Variants in GGA2 observed in about 807,000 individuals in gnomAD.
GGA2 encodes the protein ADP-ribosylation factor-binding protein GGA2.
Under a neutral mutation model 79.5 loss-of-function variants are expected in GGA2, and 48 were observed. The observed-to-expected ratio is 0.60, with a 90% CI of 0.48 to 0.77. The LOEUF (loss-of-function observed/expected upper bound fraction) is 0.77. Ranked by LOEUF, GGA2 falls within the 30% of genes least tolerant of loss-of-function variation. The pLI is 0.00. For synonymous variants in GGA2, 317 were observed against 302.0 expected (o/e 1.05, Z -0.51); for missense variants, 770 against 774.0 (o/e 0.99, Z 0.06).
In GGA2 at chr16:23,497,805, G is replaced by A. The variant is rs368996018; in HGVS notation, c.92-2027C>T. Among the ~76,000 whole-genome samples, 153 of 152,260 alleles carry A rather than the reference G, an allele frequency of 1.0e-3. 1 individual carries two copies. The highest frequency in any genetic ancestry group is 5.4e-3 in the South Asian group (26 of 4,816). ...CTACACCCATTAGTCACATGTACTT[G>A]GACTCGCTGAGCCTCAGTTTCCTCA... On this transcript the variant is annotated intron_variant, in intron 1 of 16. Coordinates refer to ENST00000309859, the MANE Select transcript of GGA2 (RefSeq NM_015044.4).
chr16:23,511,724 A>G (rs1470209457), upstream of GGA2, among the ~76,000 whole-genome samples: 1 of 152,218 alleles, frequency 6.6e-6, no homozygotes, highest in African/African-American at 2.4e-5. Context: ...TTCCCAAAAA[A>G]GTATGTCATG....
At chr16:23,479,522 A>T (rs944445068) in intron 11 of GGA2, among the ~76,000 whole-genome samples, 1 of 145,870 alleles carries the variant, frequency 6.9e-6, no homozygotes, top group Non-Finnish European at 1.5e-5. Flanking sequence ...CCCTACTCAC[A>T]CTCTCCCTGA....
At chr16:23,471,146 A>G (rs576189779) in intron 14 of GGA2, among the ~76,000 whole-genome samples, 2 of 152,156 alleles carry the variant, frequency 1.3e-5, no homozygotes, top group South Asian at 2.1e-4. Flanking sequence ...CGGCCAATGC[A>G]TTCTTAATTC....
At chr16:23,500,956 C>G in intron 1 of GGA2, 1 of 282,536 alleles carries the variant, frequency 3.5e-6, no homozygotes, top group East Asian at 9.2e-5. Flanking sequence ...AAATACACCT[C>G]GTGTTACACC....
intron 13 of GGA2, among the ~76,000 whole-genome samples, chr16:23,477,268 T>C (rs911541143): frequency 6.6e-6 from 1 of 152,094 alleles, no homozygotes; most frequent in African/African-American, 2.4e-5. Flanking sequence ...CCAAATCTCA[T>C]CTTGAATTGT....
chr16:23,495,441 G>A, intron 2 of GGA2: 1 of 302,822 alleles, frequency 3.3e-6, no homozygotes, highest in East Asian at 5.2e-5. Context: ...GGGAAAATGA[G>A]AGAATGAATG....
At chr16:23,496,088 G>A (rs572932188) in intron 1 of GGA2, among the ~76,000 whole-genome samples, 10 of 152,054 alleles carry the variant, frequency 6.6e-5, no homozygotes, top group African/African-American at 2.4e-4. Context: ...ATCATTTGAG[G>A]TCAGAAGTTT....
intron 2 of GGA2, among the ~76,000 whole-genome samples, chr16:23,518,046 G>C (rs1965114136): frequency 6.6e-6 from 1 of 152,004 alleles, no homozygotes; most frequent in South Asian, 2.1e-4. Flanking sequence ...CTAAGTAGCT[G>C]GGATTACAGG....
intron 1 of GGA2, among the ~76,000 whole-genome samples, chr16:23,499,264 C>T (rs1282557802): frequency 6.6e-6 from 1 of 151,972 alleles, no homozygotes; most frequent in African/African-American, 2.4e-5. Context: ...CCGGCCTCAG[C>T]CTCTAGAGTA....
chr16:23,523,334 G>A (rs1965171098), upstream of GGA2: 1 of 152,190 alleles, frequency 6.6e-6, no homozygotes, highest in South Asian at 2.1e-4. Context: ...TATAAGTCAT[G>A]GAGGAAGGAC....
rs1012685184 is a variant in GGA2 at position 23,465,703 on chromosome 16, G to A, written c.*1887C>T. On this transcript the variant is annotated 3_prime_UTR_variant, in exon 17 of 17. Coordinates refer to ENST00000309859, the MANE Select transcript of GGA2 (RefSeq NM_015044.4). ...CGCCTGTAATCCCAGCACTCTGGGA[G>A]GCCAAGGCAGGCGGATCACCTGAGG... The A allele has an allele frequency of 3.3e-6, 1 of 303,146 alleles. No homozygotes were observed. Among genetic ancestry groups the A allele is most frequent in the East Asian group, 6.4e-5 (1 of 15,532 alleles). The allele number at this position is 303,146 out of a possible 1,614,324, so 18.8% of individuals were successfully genotyped here.
At chr16:23,473,308 T>C (rs1158589500) in intron 14 of GGA2, among the ~76,000 whole-genome samples, 1 of 148,422 alleles carries the variant, frequency 6.7e-6, no homozygotes, top group Non-Finnish European at 1.5e-5. Context: ...GTTAATGGTA[T>C]AGATGATTTT....
chr16:23,487,500 T>C (rs1487842764), intron 6 of GGA2, among the ~76,000 whole-genome samples: 2 of 152,156 alleles, frequency 1.3e-5, no homozygotes, highest in African/African-American at 4.8e-5. Flanking sequence ...GCAGTTGCCC[T>C]GGACCATGTG....
intron 1 of GGA2, among the ~76,000 whole-genome samples, chr16:23,505,782 C>A (rs1377604344): frequency 1.4e-5 from 2 of 147,750 alleles, no homozygotes; most frequent in Non-Finnish European, 3.0e-5. Flanking sequence ...GGCGGAAGAA[C>A]AATAACTCTT....
intron 5 of GGA2, among the ~76,000 whole-genome samples, chr16:23,490,342 G>A (rs934787118): frequency 2.6e-5 from 4 of 152,164 alleles, no homozygotes; most frequent in African/African-American, 9.7e-5. Context: ...CTCACTGATG[G>A]ATATGCCAAT....
Position 23,465,709 on chromosome 16 carries a change from G to A in GGA2, c.*1881C>T, listed in dbSNP as rs974642325. 1.2e-4 allele frequency: 34 copies of A among 294,542 alleles called. No homozygotes were observed. The highest frequency in any genetic ancestry group is 7.1e-4 in the African/African-American group (33 of 46,566). 18.2% of individuals were successfully genotyped at this position (294,542 alleles called of 1,614,324 possible). On this transcript the variant is annotated 3_prime_UTR_variant, in exon 17 of 17. Coordinates refer to ENST00000309859, the MANE Select transcript of GGA2 (RefSeq NM_015044.4). ...TAATCCCAGCACTCTGGGAGGCCAA[G>A]GCAGGCGGATCACCTGAGGTCAGGA...
chr16:23,475,706 C>A (rs1406000990), intron 13 of GGA2, among the ~76,000 whole-genome samples: 1 of 150,978 alleles, frequency 6.6e-6, no homozygotes, highest in African/African-American at 2.4e-5. Context: ...GAGTTCAAGA[C>A]CAGCCCGGCC....
intron 3 of GGA2, chr16:23,494,065 C>G (rs1964823701): frequency 2.2e-5 from 12 of 546,370 alleles, no homozygotes; most frequent in Middle Eastern, 4.8e-4. Context: ...TGAAATAAAA[C>G]CTTCCTTTCC....
At chr16:23,472,925 C>T (rs548975017) in intron 14 of GGA2, among the ~76,000 whole-genome samples, 7 of 146,376 alleles carry the variant, frequency 4.8e-5, no homozygotes, top group Non-Finnish European at 8.9e-5. Context: ...CCCAGCTACT[C>T]GGGAGGCTGA....
Sources: gnomAD v4.1 joint callset for allele counts (sites outside exome capture counted in the v4.1 genomes callset) on GRCh38, gnomAD v4.1.1 for gene constraint, MANE v1.5 for transcripts, NCBI Gene and HGNC (gene_info 2026-07-23, HGNC 2026-07-21) for gene names.